Variants in PLD4 observed in about 807,000 individuals in gnomAD.
PLD4 encodes the protein phospholipase D family member 4.
A neutral mutation model predicts 52.3 loss-of-function variants in PLD4; 54 were observed. The observed-to-expected ratio is 1.03, with a 90% confidence interval of 0.83 to 1.30. The LOEUF (loss-of-function observed/expected upper bound fraction) is 1.30. PLD4 is among the 50% of genes most tolerant of loss of function. The probability of loss-of-function intolerance (pLI) is 0.00; values close to 1 mark genes in which losing one functional copy is unlikely to be tolerated. For synonymous variants in PLD4, 264 were observed against 286.5 expected (o/e 0.92, Z 0.79); for missense variants, 731 against 671.1 (o/e 1.09, Z -0.99).
Position 104,928,027 on chromosome 14 carries a change from G to A in PLD4, c.284+161G>A, listed in dbSNP as rs555142566. On this transcript the variant is annotated intron_variant, in intron 3 of 10. Coordinates refer to ENST00000392593, the MANE Select transcript of PLD4 (RefSeq NM_138790.5). ...GGGCCACGACCATATGAGCTGGAGTGGGGGCTGGGGACGGGGCAGGCGTGT... is the reference window on the plus strand; with the variant it reads ...GGGCCACGACCATATGAGCTGGAGTAGGGGCTGGGGACGGGGCAGGCGTGT... 3.3e-5 allele frequency among the ~76,000 whole-genome samples: 5 copies of A among 152,264 alleles called. No homozygotes were observed. The South Asian group carries it at 1.0e-3, about 32-fold the overall frequency.
At chr14:104,929,047 T>C in intron 4 of PLD4, 115 bp downstream of exon 4, 1 of 1,361,778 alleles carries the variant, frequency 7.3e-7, no homozygotes, top group Non-Finnish European at 9.9e-7. Flanking sequence ...GGTGGTAGGG[T>C]CTAGCATGGA....
Position 104,927,756 on chromosome 14 carries a change from C to CA in PLD4, c.175dup (p.Thr59AsnfsTer88). ...TCCTGTGGCAAGTGCCCCGTCCTCC[C>CA]ACCTGGGGCCAGGTGCAGCCCAAGG... On this transcript the variant is annotated frameshift_variant, in exon 3 of 11. Transcript: ENST00000392593. LOFTEE classifies it high-confidence loss of function. 1 of 1,598,896 alleles carries CA rather than the reference C, an allele frequency of 6.3e-7. No individual in the cohort carries two copies.
intron 1 of PLD4, 161 bp from the exon 2 acceptor site, chr14:104,926,980 C>T (rs1595376704): frequency 3.7e-6 from 2 of 545,778 alleles, no homozygotes; most frequent in South Asian, 4.7e-5. Context: ...GGAAAGCACA[C>T]CCCCAACATC....
At chr14:104,930,165 TG>T in intron 6 of PLD4, 60 bp downstream of exon 6, 1 of 1,599,858 alleles carries the variant, frequency 6.3e-7, no homozygotes, top group Non-Finnish European at 8.5e-7. Flanking sequence ...CCTGCACTCC[TG>T]GGGACTTGGC....
downstream of PLD4, chr14:104,935,883 G>A (rs1208973530): frequency 6.6e-6 from 1 of 152,190 alleles, no homozygotes; most frequent in African/African-American, 2.4e-5. Context: ...GGTCATACCT[G>A]AAGGGGAGAC....
At chr14:104,935,570 TGCAGG>T (rs1224383593), downstream of PLD4, 1 of 152,258 alleles carries the variant, frequency 6.6e-6, no homozygotes, top group Admixed American at 6.5e-5. Context: ...CTTGAGTGTG[TGCAGG>T]ACCTGTGCCT....
intron 2 of PLD4, 40 bp from the exon 3 acceptor site, chr14:104,927,633 C>A: frequency 6.6e-7 from 1 of 1,507,880 alleles, no homozygotes; most frequent in East Asian, 2.5e-5. Flanking sequence ...AAGTCAAGCC[C>A]CGCCCTGTCT....
intron 7 of PLD4, 105 bp from the exon 8 acceptor site, chr14:104,931,643 C>T: frequency 1.4e-6 from 2 of 1,423,400 alleles, no homozygotes; most frequent in Non-Finnish European, 1.9e-6. Flanking sequence ...ACCTGGGCCC[C>T]CTCCCTCCAC....
At chr14:104,929,456 C>G in intron 5 of PLD4, 29 bp downstream of exon 5, 2 of 1,528,216 alleles carry the variant, frequency 1.3e-6, no homozygotes, top group Non-Finnish European at 1.8e-6. Context: ...CTGGGCACCA[C>G]TGCCCTAGCG....
At chr14:104,937,450 T>C (rs11548712), downstream of PLD4, 1,228 of 152,636 alleles carry the variant, frequency 8.0e-3, 14 homozygotes, top group Middle Eastern at 0.048. Context: ...TCCTAGCTTC[T>C]GCTGGCCCAG....
chr14:104,928,247 G>A (rs1445888843), intron 3 of PLD4, among the ~76,000 whole-genome samples: 1 of 152,124 alleles, frequency 6.6e-6, no homozygotes, highest in African/African-American at 2.4e-5. Context: ...CTGCCCCGGA[G>A]GAACCTGTTG....
In PLD4 at chr14:104,932,625, C is replaced by A; in HGVS notation, c.1322-140C>A. On this transcript the variant is annotated intron_variant, in intron 10 of 10. Coordinates refer to ENST00000392593, the MANE Select transcript of PLD4 (RefSeq NM_138790.5). This position sits in a 1 kb window ranked among gnomAD's most constrained non-coding sequence, Gnocchi z 6.5. ...GTCCCTCCCGCACCTAAGCGAGGGGCTTCCCCGGCTGGAGTCTGATGACAG... is the reference window on the plus strand; with the variant it reads ...GTCCCTCCCGCACCTAAGCGAGGGGATTCCCCGGCTGGAGTCTGATGACAG... 3.2e-6 allele frequency: 3 copies of A among 941,248 alleles called. No individual in the cohort carries two copies. Among genetic ancestry groups the A allele is most frequent in the Non-Finnish European group, 4.7e-6 (3 of 637,930 alleles). The allele number at this position is 941,248 out of a possible 1,614,324, so 58.3% of individuals were successfully genotyped here.
intron 5 of PLD4, 103 bp from the exon 6 acceptor site, chr14:104,929,875 G>T: frequency 7.4e-7 from 1 of 1,357,604 alleles, no homozygotes; most frequent in East Asian, 2.3e-5. Flanking sequence ...CTGTTGTGAG[G>T]ACATCTGAGT....
Position 104,931,778 on chromosome 14 carries a change from C to T in PLD4, c.949C>T (p.Arg317Cys), listed in dbSNP as rs1243044908. Residue 317 changes from arginine to cysteine, a missense_variant, in exon 8 of 11, where the codon CGC becomes TGC. Arg to Cys is a radical substitution (Grantham distance 180). Coordinates refer to ENST00000392593, the MANE Select transcript of PLD4 (RefSeq NM_138790.5). ...ASPPALCPQG[R>C]TRDLEALLAV... ...GCCACCAGCACTCTGTCCCCAGGGC[C>T]GCACCCGGGACCTGGAGGCGCTGCT... The T allele has an allele frequency of 5.7e-6, 9 of 1,589,772 alleles. No individual in the cohort carries two copies. The Middle Eastern group carries it at 8.6e-4, about 152-fold the overall frequency.
intron 6 of PLD4, 28 bp from the exon 7 acceptor site, chr14:104,930,714 C>T (rs369799722): frequency 3.1e-6 from 5 of 1,612,064 alleles, no homozygotes; most frequent in Non-Finnish European, 4.2e-6. Flanking sequence ...GGTTTTTCTC[C>T]CACAGCGCCT....
rs1215329205 is a variant in PLD4 at position 104,930,739 on chromosome 14, C to A, written c.718-3C>A. 1.7e-5 allele frequency: 28 copies of A among 1,613,162 alleles called. No homozygotes were observed. Among genetic ancestry groups the A allele is most frequent in the Non-Finnish European group, 2.2e-5 (26 of 1,180,020 alleles). Reference sequence around the variant, plus strand: ...CCACAGCGCCTGACTTTGGTCCCTGCAGGTGAAGGAGCTTGGCGCTGTCAT... The same window carrying A: ...CCACAGCGCCTGACTTTGGTCCCTGAAGGTGAAGGAGCTTGGCGCTGTCAT... On this transcript the variant is annotated splice_polypyrimidine_tract_variant and splice_region_variant and intron_variant, in intron 6 of 10. Transcript: ENST00000392593.
intron 4 of PLD4, 155 bp downstream of exon 4, chr14:104,929,087 C>T: frequency 8.2e-7 from 1 of 1,224,028 alleles, no homozygotes; most frequent in East Asian, 2.6e-5. Context: ...TTTGGGGGCT[C>T]TAACAGCAGA....
At position 104,928,177 on chromosome 14, in the gene PLD4, G is replaced by A. The variant is rs191255527; in HGVS notation, c.284+311G>A. ...GGGGGTAATGTCACTGTCCCCTGCC[G>A]CCCCTCATCCTTCCCTCCCACCCTT... On this transcript the variant is annotated intron_variant, in intron 3 of 10. Coordinates refer to ENST00000392593, the MANE Select transcript of PLD4 (RefSeq NM_138790.5). 5.5e-4 allele frequency among the ~76,000 whole-genome samples: 83 copies of A among 152,100 alleles called. 1 individual carries two copies. The highest frequency in any genetic ancestry group is 6.9e-4 in the Non-Finnish European group (47 of 67,958).
In PLD4 at chr14:104,932,476, G is replaced by C. The variant is rs980069584; in HGVS notation, c.1321+121G>C. ...GGAGGGGCTGCTGCTGAAGGGGGAC[G>C]GGGTCTCCATGGAGTTCCGGGGACC... On this transcript the variant is annotated intron_variant, in intron 10 of 10. Coordinates refer to ENST00000392593, the MANE Select transcript of PLD4 (RefSeq NM_138790.5). This position sits in a 1 kb window ranked among gnomAD's most constrained non-coding sequence, Gnocchi z 6.5. 2.6e-6 allele frequency: 3 copies of C among 1,156,864 alleles called. No individual in the cohort carries two copies. The African/African-American group carries it at 4.6e-5, about 18-fold the overall frequency. The allele number at this position is 1,156,864 out of a possible 1,614,324, so 71.7% of individuals were successfully genotyped here.
Sources: allele counts gnomAD v4.1 joint callset (sites outside exome capture counted in the v4.1 genomes callset), GRCh38; gene constraint gnomAD v4.1.1; non-coding constraint Gnocchi (gnomAD v3.1); transcripts MANE v1.5; gene names NCBI Gene and HGNC (gene_info 2026-07-23, HGNC 2026-07-21).